The following CRIM1 variants were observed in gnomAD, a reference collection of about 807,000 sequenced individuals.
CRIM1 encodes the protein cysteine rich transmembrane BMP regulator 1.
A neutral mutation model predicts 116.4 loss-of-function variants in CRIM1; 32 were observed. The observed-to-expected ratio is 0.27, with a 90% CI of 0.21 to 0.37. CRIM1 has a LOEUF of 0.37. CRIM1 is among the 10% of genes least tolerant of loss of function. CRIM1 has a pLI of 1.00. For missense variants in CRIM1, 1,331 were observed against 1,354.8 expected (o/e 0.98, Z 0.28); for synonymous variants, 590 against 509.2 (o/e 1.16, Z -2.13).
At chr2:36,466,938 A>G (rs973155679) in intron 5 of CRIM1, among the ~76,000 whole-genome samples, 8 of 152,136 alleles carry the variant, frequency 5.3e-5, no homozygotes, top group African/African-American at 1.2e-4. Context: ...TCTTGGTTCT[A>G]GATACCCATG....
chr2:36,394,478 A>T (rs1042966328), intron 1 of CRIM1, among the ~76,000 whole-genome samples: 1 of 152,196 alleles, frequency 6.6e-6, no homozygotes, highest in East Asian at 1.9e-4. Flanking sequence ...TTTTTTCAAT[A>T]TGGTGTTTTT....
intron 11 of CRIM1, 116 bp downstream of exon 11, chr2:36,513,881 C>G (rs1302821102): frequency 2.3e-6 from 2 of 852,454 alleles, no homozygotes; most frequent in African/African-American, 3.3e-5. Flanking sequence ...GAACACTTTT[C>G]AGCACTGTGT....
At chr2:36,448,813 T>G (rs1433689743) in intron 4 of CRIM1, among the ~76,000 whole-genome samples, 1 of 152,182 alleles carries the variant, frequency 6.6e-6, no homozygotes, top group African/African-American at 2.4e-5. Flanking sequence ...AGTCATTGTT[T>G]ATAATGTCCA....
chr2:36,546,246 G>A (rs1667315891), intron 15 of CRIM1, among the ~76,000 whole-genome samples: 3 of 152,126 alleles, frequency 2.0e-5, no homozygotes, highest in Admixed American at 2.0e-4. Flanking sequence ...ACTTTAGGGA[G>A]TGCCCCCTAT....
intron 1 of CRIM1, among the ~76,000 whole-genome samples, chr2:36,374,999 CT>C (rs545030052): frequency 0.014 from 1,966 of 142,894 alleles, 39 homozygotes; most frequent in African/African-American, 0.042. Flanking sequence ...AATTCTGTTG[CT>C]TTTTTTTTTT....
At chr2:36,474,019 A>C (rs1268817349) in intron 5 of CRIM1, among the ~76,000 whole-genome samples, 1 of 152,208 alleles carries the variant, frequency 6.6e-6, no homozygotes, top group East Asian at 1.9e-4. Flanking sequence ...GCTCGTTACT[A>C]TTTTTTAATT....
chr2:36,544,590 AAAATGACTTGCTGAAGT>A, intron 15 of CRIM1, 92 bp downstream of exon 15: 1 of 1,239,936 alleles, frequency 8.1e-7, no homozygotes, highest in Non-Finnish European at 1.0e-6. Flanking sequence ...AGTAACTTTT[AAAATGACTTGCTGAAGT>A]AAATTCAAAT....
intron 2 of CRIM1, among the ~76,000 whole-genome samples, chr2:36,400,703 A>T (rs915719741): frequency 2.0e-5 from 3 of 152,102 alleles, no homozygotes; most frequent in Non-Finnish European, 4.4e-5. Flanking sequence ...TTTACACAAG[A>T]AGGTGAAGGG....
chr2:36,471,070 A>G (rs2125024471), intron 5 of CRIM1, among the ~76,000 whole-genome samples: 1 of 152,330 alleles, frequency 6.6e-6, no homozygotes, highest in East Asian at 1.9e-4. Context: ...TGGAACCTGC[A>G]GAATGTGACT....
At chr2:36,523,698 A>G (rs1558399739) in intron 13 of CRIM1, among the ~76,000 whole-genome samples, 1 of 152,220 alleles carries the variant, frequency 6.6e-6, no homozygotes, top group African/African-American at 2.4e-5. Flanking sequence ...GGGATTTTCC[A>G]TGTTTTCTAA....
intron 13 of CRIM1, among the ~76,000 whole-genome samples, chr2:36,536,239 G>C (rs1413390381): frequency 6.6e-6 from 1 of 152,186 alleles, no homozygotes; most frequent in Non-Finnish European, 1.5e-5. Context: ...GAGATGTGCT[G>C]GGTTCTGTTT....
Position 36,356,908 on chromosome 2 carries a change from T to A in CRIM1, c.331+285T>A, listed in dbSNP as rs977401608. On this transcript the variant is annotated intron_variant, in intron 1 of 16. Transcript: ENST00000280527. This position sits in a 1 kb window ranked among gnomAD's most constrained non-coding sequence, Gnocchi z 4.3. ...AGACGCGCACACGTGTGGCCGTTCCTGCTGGGACTGGGTGGCCCGGCCTTG... is the reference window on the plus strand; with the variant it reads ...AGACGCGCACACGTGTGGCCGTTCCAGCTGGGACTGGGTGGCCCGGCCTTG... Among the ~76,000 whole-genome samples the A allele has an allele frequency of 6.6e-6, 1 of 152,026 alleles. No individual in the cohort carries two copies. Among genetic ancestry groups the A allele is most frequent in the Non-Finnish European group, 1.5e-5 (1 of 67,992 alleles).
intron 1 of CRIM1, among the ~76,000 whole-genome samples, chr2:36,379,742 C>CT (rs760969263): frequency 0.32 from 34,207 of 106,310 alleles, 6,682 homozygotes; most frequent in East Asian, 0.79. Flanking sequence ...TTCTTTCTCT[C>CT]TTTTTTTTTT....
intron 2 of CRIM1, among the ~76,000 whole-genome samples, chr2:36,438,869 G>C (rs1235990894): frequency 6.6e-6 from 1 of 152,206 alleles, no homozygotes; most frequent in Non-Finnish European, 1.5e-5. Context: ...TTTACTAGCT[G>C]TGTGACCTTG....
chr2:36,504,119 C>T (rs926534868), intron 8 of CRIM1, among the ~76,000 whole-genome samples: 1 of 152,076 alleles, frequency 6.6e-6, no homozygotes, highest in Admixed American at 6.6e-5. Context: ...AGCAATCTGC[C>T]CGACTCGATC....
chr2:36,453,670 T>C (rs1676906708), intron 4 of CRIM1, among the ~76,000 whole-genome samples: 2 of 152,252 alleles, frequency 1.3e-5, no homozygotes, highest in South Asian at 4.1e-4. Context: ...ATATAGTCGC[T>C]GATGTCTAAG....
chr2:36,394,089 G>C (rs184352406), intron 1 of CRIM1, among the ~76,000 whole-genome samples: 1 of 152,158 alleles, frequency 6.6e-6, no homozygotes, highest in African/African-American at 2.4e-5. Context: ...GGGAGTTCCA[G>C]TTAGAATGGT....
intron 1 of CRIM1, among the ~76,000 whole-genome samples, chr2:36,357,877 A>G (rs910956428): frequency 6.6e-6 from 1 of 152,224 alleles, no homozygotes; most frequent in Non-Finnish European, 1.5e-5. Context: ...ATGCTGGGAT[A>G]CTGAAAAAGG....
In CRIM1 at chr2:36,492,204, A is replaced by G. The variant is rs1383977743; in HGVS notation, c.1373-7015A>G. On this transcript the variant is annotated intron_variant, in intron 7 of 16. Transcript: ENST00000280527. The stretch of plus-strand genomic sequence containing the variant: ...TGCTTCCTTTTCCGATCACAAAATA[A>G]TACAAATCTTGGGAACATTTGCACA... Among the ~76,000 whole-genome samples the G allele has an allele frequency of 2.6e-5, 4 of 152,218 alleles. No individual in the cohort carries two copies. The East Asian group carries it at 5.8e-4, about 22-fold the overall frequency.
Sources: gnomAD v4.1 joint callset for allele counts (sites outside exome capture counted in the v4.1 genomes callset) on GRCh38, gnomAD v4.1.1 for gene constraint, Gnocchi (gnomAD v3.1) non-coding constraint, MANE v1.5 for transcripts, NCBI Gene and HGNC (gene_info 2026-07-23, HGNC 2026-07-21) for gene names.